The following ZNF200 variants were observed in gnomAD, a reference collection of about 807,000 sequenced individuals.
The protein encoded by ZNF200 is zinc finger protein 200.
ZNF200 carries 35 observed loss-of-function variants against 33.6 expected under a neutral mutation model. The observed-to-expected ratio is 1.04, with a 90% confidence interval of 0.80 to 1.38. ZNF200 has a LOEUF of 1.38. Ranked by LOEUF, ZNF200 falls within the 40% of genes most tolerant of loss-of-function variation. ZNF200 has a pLI of 0.00. For synonymous variants in ZNF200, 209 were observed against 167.7 expected, an observed-to-expected ratio of 1.25 and a Z score of -1.90; for missense variants, 592 against 470.6, an observed-to-expected ratio of 1.26 and a Z score of -2.39.
At chr16:3,226,368 T>C (rs984786984) in intron 4 of ZNF200, 1 of 152,220 alleles carries the variant, frequency 6.6e-6, no homozygotes, top group Non-Finnish European at 1.5e-5. Context: ...TTATTCTTTT[T>C]AATCACTCCC....
chr16:3,228,337 C>G lies in ZNF200; in HGVS notation c.467-3724G>C, dbSNP rs553831152. ...TTTTAAGTTTTCTGATTACTCTGTT[C>G]TACCTATAAGGAAGTATCTGTTAAC... On this transcript the variant is annotated intron_variant, in intron 4 of 4. Transcript: ENST00000414144. Among the ~76,000 whole-genome samples, 219 of 152,092 alleles carry G rather than the reference C, an allele frequency of 1.4e-3. 3 individuals are homozygous for G. Among genetic ancestry groups the G allele is most frequent in the Middle Eastern group, 0.01 (3 of 294 alleles).
In ZNF200 at chr16:3,234,407, AG is replaced by A. The variant is rs1438224161; in HGVS notation, c.-81-572del. 3.3e-5 allele frequency among the ~76,000 whole-genome samples: 5 copies of A among 152,308 alleles called. No homozygotes were observed. In the East Asian group the frequency reaches 7.7e-4, roughly 23 times the overall value. ...AAAGCAAGACCCTGACTCTAAAAAA[AG>A]AAAGGAAAAGAGAAAGGAAAGAAGG... is the stretch of plus-strand genomic sequence containing the variant. On this transcript the variant is annotated intron_variant, in intron 1 of 4. Coordinates refer to ENST00000414144, the MANE Select transcript of ZNF200 (RefSeq NM_198088.3).
Position 3,223,711 on chromosome 16 carries a change from T to C in ZNF200, c.*181A>G, listed in dbSNP as rs796338443. ...TGCTGAGGTATAGCCCTTGAAATGT[T>C]TTCTTCCCTGTGAATTTTCTAGCAA... On this transcript the variant is annotated 3_prime_UTR_variant, in exon 5 of 5. Coordinates refer to ENST00000414144, the MANE Select transcript of ZNF200 (RefSeq NM_198088.3). 1.7e-5 allele frequency: 16 copies of C among 950,078 alleles called. No homozygotes were observed. Among genetic ancestry groups the C allele is most frequent in the African/African-American group, 1.3e-4 (8 of 60,774 alleles). 58.9% of individuals were successfully genotyped at this position (950,078 alleles called of 1,614,324 possible).
chr16:3,231,677 A>G (rs1018819918), intron 4 of ZNF200, among the ~76,000 whole-genome samples: 5 of 152,246 alleles, frequency 3.3e-5, no homozygotes, highest in African/African-American at 9.6e-5. Context: ...AGAATGCCCC[A>G]TTCACCAACC....
chr16:3,230,819 T>C (rs1958616403), intron 4 of ZNF200, among the ~76,000 whole-genome samples: 1 of 152,240 alleles, frequency 6.6e-6, no homozygotes, highest in African/African-American at 2.4e-5. Context: ...TTTCCCATCA[T>C]GGATTCAATC....
chr16:3,234,439 G>C (rs904468249), intron 1 of ZNF200, among the ~76,000 whole-genome samples: 11 of 151,618 alleles, frequency 7.3e-5, no homozygotes, highest in African/African-American at 2.7e-4. Flanking sequence ...GAAGGAGGAA[G>C]GGAATCAGGG....
chr16:3,229,650 G>A (rs1007551627), intron 4 of ZNF200, among the ~76,000 whole-genome samples: 1 of 152,134 alleles, frequency 6.6e-6, no homozygotes. Context: ...CAGATCACAA[G>A]GTCAGGAGAT....
Position 3,224,064 on chromosome 16 carries a change from G to A in ZNF200, c.1016C>T (p.Pro339Leu), listed in dbSNP as rs1187940687. Residue 339 changes from proline (P) to leucine (L), a missense_variant, in exon 5 of 5, where the codon CCA (proline) becomes CTA (leucine). By Grantham distance (98) the Pro-to-Leu change is moderately conservative (BLOSUM62 -3). Coordinates refer to ENST00000414144, the MANE Select transcript of ZNF200 (RefSeq NM_198088.3). ...IHIREKIFKC[P>L]ECGKTFPKNE... ...CTTTGGGAAGGTTTTCCCACATTCT[G>A]GACACTTAAATATCTTCTCCCTTAT... 5 of 1,614,064 alleles carry A rather than the reference G, an allele frequency of 3.1e-6. No homozygotes were observed. The highest frequency in any genetic ancestry group is 1.6e-4 in the Middle Eastern group (1 of 6,062).
intron 4 of ZNF200, chr16:3,226,888 T>G (rs1958487749): frequency 6.6e-6 from 1 of 152,188 alleles, no homozygotes; most frequent in Non-Finnish European, 1.5e-5. Context: ...CTCAACAACC[T>G]CACCATCAAT....
At chr16:3,226,601 A>T (rs769054276) in intron 4 of ZNF200, 17 of 152,342 alleles carry the variant, frequency 1.1e-4, no homozygotes, top group Admixed American at 9.8e-4. Context: ...TTATAAATGT[A>T]TATCTTTGTC....
rs1427760455 is a variant in ZNF200 at position 3,232,822 on chromosome 16, A to G, written c.339+11T>C. 14 of 1,613,488 alleles carry G rather than the reference A, an allele frequency of 8.7e-6. No homozygotes were observed. Among genetic ancestry groups the G allele is most frequent in the Non-Finnish European group, 1.1e-5 (13 of 1,179,600 alleles). ...ATGGATTCAGGCAGTAAATGGGAAA[A>G]CCAAACCCACCTCAGGGTTAGCTTT... On this transcript the variant is annotated intron_variant, in intron 3 of 4. Coordinates refer to ENST00000414144, the MANE Select transcript of ZNF200 (RefSeq NM_198088.3).
chr16:3,226,262 C>G (rs1958468692), intron 4 of ZNF200: 1 of 151,968 alleles, frequency 6.6e-6, no homozygotes. Flanking sequence ...TCGTGTTAGC[C>G]AGGATGGTCT....
rs1244091374 is a variant in ZNF200, at chr16:3,233,805, T to G, written c.-50A>C. 6.5e-7 allele frequency: 1 copy of G among 1,545,542 alleles called. No homozygotes were observed. Among genetic ancestry groups the G allele is most frequent in the Admixed American group, 2.0e-5 (1 of 50,414 alleles). ...GTTTCGCGGGGCCTCCAGAGCCACC[T>G]CTTACTAGAGGAAATCTGCCAGAGA... On this transcript the variant is annotated 5_prime_UTR_variant, in exon 2 of 5. Transcript: ENST00000414144.
rs767956617 is a variant in ZNF200, at chr16:3,232,410, T to C, written c.466+11A>G. The stretch of plus-strand genomic sequence containing the variant: ...AAACAACCTGAACACACAAAGGCTG[T>C]GATTTCTTACCCAGTAACATCATTT... On this transcript the variant is annotated intron_variant, in intron 4 of 4. Transcript: ENST00000414144. 1 of 1,612,846 alleles carries C rather than the reference T, an allele frequency of 6.2e-7. No individual in the cohort carries two copies. The highest frequency in any genetic ancestry group is 1.1e-5 in the South Asian group (1 of 90,900).
In ZNF200 at chr16:3,224,181, C is replaced by T. The variant is rs148762905; in HGVS notation, c.899G>A (p.Arg300Gln). ...NHKTNLNKHE[R>Q]IHTGEKPYSC... is the part of the protein sequence containing the mutation. ...ATAAGGTTTCTCTCCTGTATGAATT[C>T]GCTCATGTTTATTGAGGTTTGTTTT... Residue 300 changes from arginine (R) to glutamine (Q), a missense_variant, in exon 5 of 5, where the codon CGA (arginine) becomes CAA (glutamine). Physicochemically the swap from Arg to Gln is conservative, Grantham distance 43. Coordinates refer to ENST00000414144, the MANE Select transcript of ZNF200 (RefSeq NM_198088.3). The T allele has an allele frequency of 1.3e-4, 211 of 1,614,038 alleles. No homozygotes were observed. The highest frequency in any genetic ancestry group is 2.5e-4 in the East Asian group (11 of 44,890).
chr16:3,233,891 C>T, intron 1 of ZNF200, 55 bp from the exon 2 acceptor site: 1 of 1,411,292 alleles, frequency 7.1e-7, no homozygotes, highest in African/African-American at 1.4e-5. Context: ...CATTACTGCA[C>T]TCCAATATGT....
At chr16:3,230,412 T>C (rs1958604358) in intron 4 of ZNF200, among the ~76,000 whole-genome samples, 1 of 152,260 alleles carries the variant, frequency 6.6e-6, no homozygotes, top group Non-Finnish European at 1.5e-5. Context: ...TCCTACTTTA[T>C]TTCTACTCCT....
chr16:3,232,908 G>A lies in ZNF200; in HGVS notation c.264C>T (p.Pro88=). The A allele has an allele frequency of 2.5e-6, 4 of 1,613,752 alleles. No homozygotes were observed. The highest frequency in any genetic ancestry group is 3.4e-6 in the Non-Finnish European group (4 of 1,179,808). Residue 88 remains proline (P), a synonymous_variant, in exon 3 of 5, where the codon CCC becomes CCT. Coordinates refer to ENST00000414144, the MANE Select transcript of ZNF200 (RefSeq NM_198088.3). ...SSLQNRVHPR[P]LVKLLPKGVQ... Reference sequence around the variant, plus strand: ...CTCCTTTGGGCAGAAGCTTCACCAAGGGACGAGGATGCACTGGGGAAAGAG... The same window carrying A: ...CTCCTTTGGGCAGAAGCTTCACCAAAGGACGAGGATGCACTGGGGAAAGAG...
At position 3,222,512 on chromosome 16, in the gene ZNF200, T is replaced by C. The variant is rs1249365543; in HGVS notation, c.*1380A>G. ...AATGGAAAAAACTACAATAACAAAA[T>C]TGTGTAAAACAAGTGAAGAAAATTA... On this transcript the variant is annotated 3_prime_UTR_variant, in exon 5 of 5. Coordinates refer to ENST00000414144, the MANE Select transcript of ZNF200 (RefSeq NM_198088.3). 1.3e-5 allele frequency: 2 copies of C among 152,084 alleles called. No homozygotes were observed. Among genetic ancestry groups the C allele is most frequent in the Admixed American group, 1.3e-4 (2 of 15,268 alleles). The allele number at this position is 152,084 out of a possible 1,614,324, so 9.4% of individuals were successfully genotyped here.
Sources: allele counts gnomAD v4.1 joint callset (sites outside exome capture counted in the v4.1 genomes callset), GRCh38; gene constraint gnomAD v4.1.1; transcripts MANE v1.5; gene names NCBI Gene and HGNC (gene_info 2026-07-23, HGNC 2026-07-21).